The following RSBN1 variants were observed in gnomAD, a reference collection of about 807,000 sequenced individuals.
RSBN1 encodes the protein round spermatid basic protein 1.
A neutral mutation model predicts 74.8 loss-of-function variants in RSBN1; 23 were observed. The ratio of observed to expected loss-of-function variants is 0.31; its 90% CI spans 0.22 to 0.44. The LOEUF is 0.44. Among genes scored for constraint, RSBN1 ranks in the 20% least tolerant of loss-of-function variants. The pLI, the probability that RSBN1 is intolerant of heterozygous loss-of-function variation, is 1.00. For missense variants in RSBN1, 808 were observed against 1,020.9 expected (o/e 0.79, Z 2.84); for synonymous variants, 407 against 379.6 (o/e 1.07, Z -0.84).
At chr1:113,776,802 C>T (rs2101798181) in intron 4 of RSBN1, among the ~76,000 whole-genome samples, 1 of 126,232 alleles carries the variant, frequency 7.9e-6, no homozygotes, top group South Asian at 2.7e-4. Context: ...CAGAGTGAGA[C>T]CCTATCTCAA....
At chr1:113,784,191 G>A (rs1660194744) in intron 2 of RSBN1, among the ~76,000 whole-genome samples, 1 of 152,108 alleles carries the variant, frequency 6.6e-6, no homozygotes, top group African/African-American at 2.4e-5. Flanking sequence ...CCTGTAACAT[G>A]AGTTACAGGA....
chr1:113,789,799 G>A (rs976757529), intron 2 of RSBN1, among the ~76,000 whole-genome samples: 2 of 152,176 alleles, frequency 1.3e-5, no homozygotes, highest in Non-Finnish European at 2.9e-5. Flanking sequence ...GAGAGCAGAG[G>A]AAAAGTAAAG....
At position 113,766,551 on chromosome 1, in the gene RSBN1, A is replaced by G. The variant is rs936000238; in HGVS notation, c.1936-98T>C. On this transcript the variant is annotated intron_variant, in intron 6 of 6. Transcript: ENST00000261441. ...GAAAACAGTAGAAACAAAATGTGTC[A>G]TAACAATAATCAAATTAAAATTAAG... 21 of 709,874 alleles carry G rather than the reference A, an allele frequency of 3.0e-5. No individual in the cohort carries two copies. In the African/African-American group the frequency reaches 3.0e-4, roughly 10 times the overall value. The allele number at this position is 709,874 out of a possible 1,614,324, so 44.0% of individuals were successfully genotyped here.
At chr1:113,811,106 G>A (rs1408189672) in intron 1 of RSBN1, among the ~76,000 whole-genome samples, 2 of 152,036 alleles carry the variant, frequency 1.3e-5, no homozygotes, top group Non-Finnish European at 2.9e-5. Flanking sequence ...AGTATCAAAG[G>A]GTAGAGAAAA....
chr1:113,767,691 ATT>A (rs754227217), intron 5 of RSBN1, among the ~76,000 whole-genome samples: 62 of 152,326 alleles, frequency 4.1e-4, no homozygotes, highest in South Asian at 1.4e-3. Flanking sequence ...CACCAGCATT[ATT>A]CACAAAAGCC....
chr1:113,772,743 C>T (rs944591437), intron 4 of RSBN1, among the ~76,000 whole-genome samples: 1 of 152,152 alleles, frequency 6.6e-6, no homozygotes, highest in African/African-American at 2.4e-5. Context: ...GAATGCCTCA[C>T]TTAAGAATAT....
At chr1:113,784,078 C>T (rs1050439579) in intron 2 of RSBN1, among the ~76,000 whole-genome samples, 3 of 152,050 alleles carry the variant, frequency 2.0e-5, no homozygotes, top group South Asian at 2.1e-4. Flanking sequence ...GACTTGCAAA[C>T]CATACAAAAT....
chr1:113,787,136 AAT>A (rs1229924669), intron 2 of RSBN1, among the ~76,000 whole-genome samples: 1 of 152,202 alleles, frequency 6.6e-6, no homozygotes, highest in Non-Finnish European at 1.5e-5. Flanking sequence ...GGAACACAGT[AAT>A]ATATGTTTCC....
Position 113,764,535 on chromosome 1 carries a change from TTA to T in RSBN1, c.*1443_*1444del, listed in dbSNP as rs1048395131. On this transcript the variant is annotated 3_prime_UTR_variant, in exon 7 of 7. Transcript: ENST00000261441. The stretch of plus-strand genomic sequence containing the variant: ...AAGATTTAACCTATTTCAGAATATT[TTA>T]GAGAAAATTCATATTTGATATTTCA... 1 of 152,454 alleles carries T rather than the reference TTA, an allele frequency of 6.6e-6. No homozygotes were observed. Among genetic ancestry groups the T allele is most frequent in the African/African-American group, 2.4e-5 (1 of 41,412 alleles). 9.4% of individuals were successfully genotyped at this position (152,454 alleles called of 1,614,324 possible).
intron 2 of RSBN1, among the ~76,000 whole-genome samples, chr1:113,795,751 A>G (rs1317155657): frequency 6.6e-6 from 1 of 152,226 alleles, no homozygotes; most frequent in Non-Finnish European, 1.5e-5. Context: ...TAATTGGAGG[A>G]CAAAAATCAG....
chr1:113,774,522 A>T (rs1480695063), intron 4 of RSBN1, among the ~76,000 whole-genome samples: 2 of 152,036 alleles, frequency 1.3e-5, no homozygotes, highest in South Asian at 2.1e-4. Flanking sequence ...AAAATAAAAA[A>T]AAAAATTAGC....
At chr1:113,766,589 A>T (rs1659785755) in intron 6 of RSBN1, 136 bp from the exon 7 acceptor site, 1 of 614,412 alleles carries the variant, frequency 1.6e-6, no homozygotes, top group East Asian at 2.7e-5. Flanking sequence ...ACACTAAATG[A>T]TAGGTAACTC....
intron 1 of RSBN1, 78 bp from the exon 2 acceptor site, chr1:113,798,114 T>C: frequency 8.1e-7 from 1 of 1,236,698 alleles, no homozygotes; most frequent in Non-Finnish European, 1.1e-6. Context: ...CTTGATCTCA[T>C]TAAATAGCCT....
In RSBN1 at chr1:113,765,701, AT is replaced by A. The variant is rs1659764470; in HGVS notation, c.*278del. ...GAATCTGTTATTCCAGAGAATTCTC[AT>A]TTTGATTTGAAGAAGAGATTGAATT... On this transcript the variant is annotated 3_prime_UTR_variant, in exon 7 of 7. Transcript: ENST00000261441. The A allele has an allele frequency of 6.6e-6, 2 of 305,254 alleles. No homozygotes were observed. The allele number at this position is 305,254 out of a possible 1,614,324, so 18.9% of individuals were successfully genotyped here.
At position 113,801,047 on chromosome 1, in the gene RSBN1, T is replaced by A. The variant is rs1433402743; in HGVS notation, c.704-3011A>T. Among the ~76,000 whole-genome samples, 3 of 152,072 alleles carry A rather than the reference T, an allele frequency of 2.0e-5. No homozygotes were observed. The East Asian group carries it at 5.8e-4, about 29-fold the overall frequency. On this transcript the variant is annotated intron_variant, in intron 1 of 6. Transcript: ENST00000261441. The stretch of plus-strand genomic sequence containing the variant: ...CAGGATGGAGTGCAGTGGCGTGATC[T>A]CTGCTCACTCCAGCCTCCACCTCCC...
intron 1 of RSBN1, among the ~76,000 whole-genome samples, chr1:113,804,415 A>G (rs564605074): frequency 2.0e-5 from 3 of 152,340 alleles, no homozygotes; most frequent in Non-Finnish European, 4.4e-5. Context: ...TCACAAAGCT[A>G]GTACACAACA....
At chr1:113,788,381 T>C (rs1387789319) in intron 2 of RSBN1, among the ~76,000 whole-genome samples, 1 of 152,160 alleles carries the variant, frequency 6.6e-6, no homozygotes, top group African/African-American at 2.4e-5. Flanking sequence ...ACTGCACTGA[T>C]GATGTTTTAT....
At position 113,797,704 on chromosome 1, in the gene RSBN1, G is replaced by C. The variant is rs755955633; in HGVS notation, c.1036C>G (p.Arg346Gly). ...GTACCTGTTTTTAAGAAATTTCTACGAATAGAATGTTCCTGGTGAGTCATA... is the reference window on the plus strand; with the variant it reads ...GTACCTGTTTTTAAGAAATTTCTACCAATAGAATGTTCCTGGTGAGTCATA... ...PFMTHQEHSI[R>G]RNFLKTGTKF... The change falls in exon 2 of 7, where the codon CGT (arginine) becomes GGT (glycine). Residue 346 changes from arginine (R) to glycine (G), a missense_variant. Arg to Gly is a moderately radical substitution (Grantham distance 125). Around this residue, in one of 6 missense-constraint regions of RSBN1, gnomAD observed 85 missense variants for 126.2 expected, o/e 0.67. Coordinates refer to ENST00000261441, the MANE Select transcript of RSBN1 (RefSeq NM_018364.5). 1.9e-6 allele frequency: 3 copies of C among 1,613,862 alleles called. No homozygotes were observed. The highest frequency in any genetic ancestry group is 2.5e-6 in the Non-Finnish European group (3 of 1,179,970).
chr1:113,796,504 A>AT (rs1553242296), intron 2 of RSBN1, among the ~76,000 whole-genome samples: 5 of 151,926 alleles, frequency 3.3e-5, no homozygotes, highest in South Asian at 2.1e-4. Context: ...TACCTAAAAA[A>AT]ATATATATAT....
Sources: gnomAD v4.1 joint callset for allele counts (sites outside exome capture counted in the v4.1 genomes callset) on GRCh38, gnomAD v4.1.1 for gene constraint, gnomAD v4.1.1 regional missense constraint, MANE v1.5 for transcripts, NCBI Gene and HGNC (gene_info 2026-07-23, HGNC 2026-07-21) for gene names.